IFT57: variants seen among roughly 807,000 people sequenced by gnomAD.
IFT57 encodes the protein intraflagellar transport 57.
In IFT57, 59 loss-of-function variants were observed where a neutral mutation model predicts 56.8. The ratio of observed to expected loss-of-function variants is 1.04; its 90% CI spans 0.84 to 1.29. The LOEUF (loss-of-function observed/expected upper bound fraction) is 1.29, where lower values mean the gene tolerates loss of function less well. Among genes scored for constraint, IFT57 ranks in the 50% most tolerant of loss-of-function variants. The probability of loss-of-function intolerance (pLI) is 0.00; values close to 1 mark genes in which losing one functional copy is unlikely to be tolerated. For missense variants in IFT57, 470 were observed against 522.1 expected (o/e 0.90, Z 0.97); for synonymous variants, 209 against 186.1 (o/e 1.12, Z -1.00).
intron 6 of IFT57, among the ~76,000 whole-genome samples, chr3:108,169,653 A>G (rs567034696): frequency 1.3e-5 from 2 of 152,008 alleles, no homozygotes; most frequent in East Asian, 3.9e-4. Flanking sequence ...ATCTTGAGCT[A>G]ATTTTTGTAT....
chr3:108,220,585 A>G (rs1251221215), intron 1 of IFT57, among the ~76,000 whole-genome samples: 1 of 152,210 alleles, frequency 6.6e-6, no homozygotes, highest in Non-Finnish European at 1.5e-5. Flanking sequence ...CCAAAAAGTC[A>G]TCTTTTCCTT....
chr3:108,184,157 A>G (rs2080166338), intron 6 of IFT57, among the ~76,000 whole-genome samples: 1 of 152,138 alleles, frequency 6.6e-6, no homozygotes, highest in African/African-American at 2.4e-5. Context: ...AGGCATTGCT[A>G]AAGTGGCATG....
At chr3:108,197,238 A>T (rs535869079) in intron 5 of IFT57, among the ~76,000 whole-genome samples, 1 of 152,312 alleles carries the variant, frequency 6.6e-6, no homozygotes, top group Admixed American at 6.5e-5. Flanking sequence ...CTCCTACAAC[A>T]TTCAAGGTAA....
chr3:108,211,283 AGTTATT>A (rs1261378317), intron 4 of IFT57, among the ~76,000 whole-genome samples: 4 of 152,240 alleles, frequency 2.6e-5, no homozygotes, highest in Admixed American at 1.3e-4. Context: ...ACTATTAAAT[AGTTATT>A]AAGACGACAA....
At chr3:108,174,214 GA>G (rs1002661611) in intron 6 of IFT57, among the ~76,000 whole-genome samples, 9 of 151,212 alleles carry the variant, frequency 6.0e-5, no homozygotes, top group East Asian at 3.9e-4. Flanking sequence ...AGTTATAATG[GA>G]AAAAAATATA....
At chr3:108,196,534 C>T (rs2080245354) in intron 5 of IFT57, among the ~76,000 whole-genome samples, 1 of 152,136 alleles carries the variant, frequency 6.6e-6, no homozygotes, top group Admixed American at 6.6e-5. Context: ...TATGCCACTG[C>T]ATAAGCTATT....
chr3:108,181,197 C>T (rs1002261536), intron 6 of IFT57, among the ~76,000 whole-genome samples: 3 of 152,036 alleles, frequency 2.0e-5, no homozygotes, highest in African/African-American at 2.4e-5. Flanking sequence ...TATCTTTAAA[C>T]ACAGAATATC....
chr3:108,199,192 A>T (rs2080263162), intron 5 of IFT57, among the ~76,000 whole-genome samples: 1 of 152,194 alleles, frequency 6.6e-6, no homozygotes, highest in Admixed American at 6.5e-5. Context: ...TTTTAAAAAA[A>T]CCCACGGAAC....
At chr3:108,197,139 C>A (rs1174841285) in intron 5 of IFT57, among the ~76,000 whole-genome samples, 1 of 152,170 alleles carries the variant, frequency 6.6e-6, no homozygotes, top group East Asian at 1.9e-4. Context: ...CCAGTTACTG[C>A]TGCAGAAGAA....
At chr3:108,182,917 A>G (rs1560108917) in intron 6 of IFT57, among the ~76,000 whole-genome samples, 1 of 152,134 alleles carries the variant, frequency 6.6e-6, no homozygotes, top group African/African-American at 2.4e-5. Flanking sequence ...TTTGGAAAAA[A>G]TCTACTTAAG....
rs376346583 is a variant in IFT57, at chr3:108,222,364, C to A, written c.-42G>T. ...TCCAGCGTGGGCTCAGGCCCACAGA[C>A]CTCTGCGGCCTAAGCCGCCAGCCCT... On this transcript the variant is annotated 5_prime_UTR_variant, in exon 1 of 11. Coordinates refer to ENST00000264538, the MANE Select transcript of IFT57 (RefSeq NM_018010.4). The A allele has an allele frequency of 6.4e-5, 99 of 1,536,624 alleles. No individual in the cohort carries two copies. The East Asian group carries it at 1.9e-3, about 30-fold the overall frequency.
chr3:108,194,205 C>T (rs2080230942), intron 5 of IFT57, among the ~76,000 whole-genome samples: 1 of 152,084 alleles, frequency 6.6e-6, no homozygotes, highest in Non-Finnish European at 1.5e-5. Context: ...TATATGCCAA[C>T]AGTGAACAAT....
At chr3:108,205,753 CAT>C (rs1393328595) in intron 5 of IFT57, among the ~76,000 whole-genome samples, 2 of 141,718 alleles carry the variant, frequency 1.4e-5, no homozygotes, top group African/African-American at 5.2e-5. Flanking sequence ...TAATATATAA[CAT>C]ATTATATAAT....
Position 108,222,263 on chromosome 3 carries a change from G to A in IFT57, c.60C>T (p.Ser20=). ...TSGLEDGVPR[S]RGEGTGEVVL... is the part of the protein sequence containing the mutation. ...CCACTTCCCCGGTCCCTTCGCCACG[G>A]GACCTAGGCACCCCATCTTCCAAAC... Residue 20 remains serine, a synonymous_variant, in exon 1 of 11, where the codon TCC becomes TCT. Transcript: ENST00000264538. The A allele has an allele frequency of 6.2e-7, 1 of 1,614,034 alleles. No individual in the cohort carries two copies. The highest frequency in any genetic ancestry group is 8.5e-7 in the Non-Finnish European group (1 of 1,180,022).
intron 5 of IFT57, among the ~76,000 whole-genome samples, chr3:108,198,974 T>C (rs1347423148): frequency 6.6e-6 from 1 of 152,174 alleles, no homozygotes; most frequent in East Asian, 1.9e-4. Flanking sequence ...CTTTGTTAAC[T>C]TCTGTGTATA....
intron 5 of IFT57, among the ~76,000 whole-genome samples, chr3:108,196,978 T>C (rs1462883353): frequency 6.6e-6 from 1 of 152,198 alleles, no homozygotes; most frequent in Non-Finnish European, 1.5e-5. Flanking sequence ...TCCCAATTGT[T>C]TTTCCATTTC....
At chr3:108,179,864 A>C (rs1437875577) in intron 6 of IFT57, among the ~76,000 whole-genome samples, 4 of 149,324 alleles carry the variant, frequency 2.7e-5, no homozygotes, top group Non-Finnish European at 5.9e-5. Context: ...GTAAAAGCAT[A>C]ATTTTTATTT....
Position 108,222,288 on chromosome 3 carries a change from C to G in IFT57, c.35G>C (p.Gly12Ala), listed in dbSNP as rs114893980. The change falls in exon 1 of 11, where the codon GGT (glycine) becomes GCT (alanine). Residue 12 changes from glycine to alanine, a missense_variant. Gly to Ala is a moderately conservative substitution (Grantham distance 60). Transcript: ENST00000264538. ...TAALAVVTTS[G>A]LEDGVPRSRG... The stretch of plus-strand genomic sequence containing the variant: ...GGACCTAGGCACCCCATCTTCCAAA[C>G]CCGACGTCGTGACGACGGCCAGAGC... The G allele has an allele frequency of 1.9e-3, 3,002 of 1,613,570 alleles. 2 individuals carry two copies. Among genetic ancestry groups the G allele is most frequent in the Admixed American group, 3.2e-3 (193 of 60,008 alleles).
At chr3:108,206,878 C>A (rs1392908978) in intron 4 of IFT57, among the ~76,000 whole-genome samples, 182 bp from the exon 5 acceptor site, 1 of 151,976 alleles carries the variant, frequency 6.6e-6, no homozygotes, top group East Asian at 1.9e-4. Flanking sequence ...AACAGTTCAT[C>A]TGTTTTTTGA....
Sources: gnomAD v4.1 joint callset for allele counts (sites outside exome capture counted in the v4.1 genomes callset) on GRCh38, gnomAD v4.1.1 for gene constraint, MANE v1.5 for transcripts, NCBI Gene and HGNC (gene_info 2026-07-23, HGNC 2026-07-21) for gene names.